Variants in ADGRL2 observed in about 807,000 individuals in gnomAD.
The protein encoded by ADGRL2 is calcium-independent alpha-latrotoxin receptor 2.
ADGRL2 carries 44 observed loss-of-function variants against 157.4 expected under a neutral mutation model. That is an observed-to-expected ratio of 0.28 (90% confidence interval 0.22 to 0.36). ADGRL2 has a LOEUF of 0.36. Among genes scored for constraint, ADGRL2 ranks in the 10% least tolerant of loss-of-function variants. The pLI is 1.00. For missense variants in ADGRL2, 1,510 were observed against 1,768.9 expected, an observed-to-expected ratio of 0.85 and a Z score of 2.63; for synonymous variants, 585 against 624.7, an observed-to-expected ratio of 0.94 and a Z score of 0.95.
chr1:81,639,677 T>C (rs2082181674), intron 3 of ADGRL2, among the ~76,000 whole-genome samples: 1 of 151,958 alleles, frequency 6.6e-6, no homozygotes, highest in Non-Finnish European at 1.5e-5. Context: ...GAGGACATTA[T>C]GTAATGATAA....
intron 1 of ADGRL2, among the ~76,000 whole-genome samples, chr1:81,399,661 A>T (rs746908484): frequency 3.3e-5 from 5 of 151,906 alleles, no homozygotes; most frequent in Non-Finnish European, 7.4e-5. Flanking sequence ...TCCTTGCTAC[A>T]TTTCTTGTTC....
intron 2 of ADGRL2, among the ~76,000 whole-genome samples, chr1:81,541,850 C>T (rs1409273321): frequency 5.3e-5 from 8 of 151,554 alleles, no homozygotes; most frequent in South Asian, 2.1e-4. Context: ...CCCAGCTACT[C>T]GGGAGGCTGA....
At chr1:81,565,850 T>C (rs941489527) in intron 2 of ADGRL2, among the ~76,000 whole-genome samples, 3 of 152,172 alleles carry the variant, frequency 2.0e-5, no homozygotes, top group Admixed American at 6.5e-5. Flanking sequence ...TTAGGTACAC[T>C]AAAACAATCT....
rs1284095154 is a variant in ADGRL2, at chr1:81,921,253, G to A, written c.287+14023G>A. Among the ~76,000 whole-genome samples, 2 of 152,132 alleles carry A rather than the reference G, an allele frequency of 1.3e-5. 1 individual carries two copies. Among genetic ancestry groups the A allele is most frequent in the Non-Finnish European group, 2.9e-5 (2 of 68,014 alleles). ...TTATGTAGAATATGTAATGTTTTAT[G>A]AGTATACTACTTTAAGTATTATAAT... On this transcript the variant is annotated intron_variant, in intron 3 of 23. Transcript: ENST00000686636.
intron 1 of ADGRL2, among the ~76,000 whole-genome samples, chr1:81,421,051 G>A (rs57384594): frequency 0.031 from 4,774 of 152,182 alleles, 236 homozygotes; most frequent in South Asian, 0.18. Flanking sequence ...TTTTCAGTTG[G>A]CAAGTAAATG....
intron 1 of ADGRL2, among the ~76,000 whole-genome samples, chr1:81,823,291 C>G (rs1054030381): frequency 6.6e-6 from 1 of 150,736 alleles, no homozygotes; most frequent in African/African-American, 2.4e-5. Context: ...TCATGCCTGC[C>G]TCCCTTCCTC....
chr1:81,900,547 T>TGG (rs2094467575), intron 2 of ADGRL2, among the ~76,000 whole-genome samples: 5 of 146,804 alleles, frequency 3.4e-5, no homozygotes, highest in Non-Finnish European at 7.5e-5. Context: ...AAAAAAAAAA[T>TGG]GGGGAAAACC....
chr1:81,467,254 G>C (rs764296816), intron 2 of ADGRL2, among the ~76,000 whole-genome samples: 7 of 152,116 alleles, frequency 4.6e-5, no homozygotes, highest in African/African-American at 9.7e-5. Flanking sequence ...GAATTAATGA[G>C]AAATATCTTC....
At chr1:81,662,874 A>G (rs966006525) in intron 3 of ADGRL2, among the ~76,000 whole-genome samples, 2 of 151,894 alleles carry the variant, frequency 1.3e-5, no homozygotes, top group East Asian at 1.9e-4. Flanking sequence ...CTTTTTAACT[A>G]CTTTTTTTGT....
intron 1 of ADGRL2, among the ~76,000 whole-genome samples, chr1:81,747,451 C>G (rs2085336831): frequency 6.6e-6 from 1 of 151,684 alleles, no homozygotes; most frequent in Admixed American, 6.6e-5. Context: ...CAGGCGCATG[C>G]CGCCATGCTC....
At chr1:81,775,932 C>G (rs751064317) in intron 2 of ADGRL2, among the ~76,000 whole-genome samples, 2 of 152,042 alleles carry the variant, frequency 1.3e-5, no homozygotes, top group African/African-American at 4.8e-5. Context: ...ATTGAAAGGC[C>G]TCAGTATGAA....
chr1:81,959,511 C>A (rs1391947144), intron 11 of ADGRL2, among the ~76,000 whole-genome samples: 1 of 151,912 alleles, frequency 6.6e-6, no homozygotes, highest in Non-Finnish European at 1.5e-5. Context: ...TTTAAAAATT[C>A]ACCTTACTGA....
chr1:81,348,215 G>T (rs1418883067), intron 1 of ADGRL2, among the ~76,000 whole-genome samples: 1 of 152,092 alleles, frequency 6.6e-6, no homozygotes, highest in Non-Finnish European at 1.5e-5. Flanking sequence ...ACATCTAATG[G>T]ATCTTAGCTT....
intron 3 of ADGRL2, among the ~76,000 whole-genome samples, chr1:81,654,336 T>C (rs1280601467): frequency 6.6e-6 from 1 of 152,194 alleles, no homozygotes; most frequent in African/African-American, 2.4e-5. Flanking sequence ...TCATCTTTTG[T>C]TTGTTCCACC....
At chr1:81,618,621 G>C (rs1473093591) in intron 3 of ADGRL2, among the ~76,000 whole-genome samples, 1 of 152,132 alleles carries the variant, frequency 6.6e-6, no homozygotes, top group African/African-American at 2.4e-5. Context: ...ATAGCAAATA[G>C]CTTGGACATA....
rs2086294865 is a variant in ADGRL2, at chr1:81,770,109, C to G, written c.-101+8257C>G. ...ACCTCAGGTGGTCCACCTGCCTCAG[C>G]CTCCCAAAGTGCTGGGATTACAGGC... On this transcript the variant is annotated intron_variant, in intron 2 of 20. Transcript: ENST00000359929. Among the ~76,000 whole-genome samples, 6 of 149,896 alleles carry G rather than the reference C, an allele frequency of 4.0e-5. No individual in the cohort carries two copies. In the South Asian group the frequency reaches 1.3e-3, roughly 32 times the overall value.
chr1:81,627,422 G>A (rs1194986372), intron 3 of ADGRL2, among the ~76,000 whole-genome samples: 2 of 151,980 alleles, frequency 1.3e-5, no homozygotes, highest in African/African-American at 4.8e-5. Context: ...TGGACACTGA[G>A]GTAGGTTGAG....
intron 2 of ADGRL2, among the ~76,000 whole-genome samples, chr1:81,546,432 C>T (rs1441474881): frequency 6.6e-6 from 1 of 152,116 alleles, no homozygotes; most frequent in Non-Finnish European, 1.5e-5. Context: ...AGTCAAAATA[C>T]CCTGTGATAT....
intron 3 of ADGRL2, among the ~76,000 whole-genome samples, chr1:81,661,186 A>G: frequency 6.6e-6 from 1 of 151,642 alleles, no homozygotes; most frequent in East Asian, 1.9e-4. Flanking sequence ...TTCCATAAGC[A>G]TTTTTTTTAT....
Sources: allele counts gnomAD v4.1 joint callset (sites outside exome capture counted in the v4.1 genomes callset), GRCh38; gene constraint gnomAD v4.1.1; transcripts MANE v1.5; gene names NCBI Gene and HGNC (gene_info 2026-07-23, HGNC 2026-07-21).